SYT9: variants seen among roughly 807,000 people sequenced by gnomAD.
SYT9 encodes the protein synaptotagmin 9.
SYT9 carries 22 observed loss-of-function variants against 48.4 expected under a neutral mutation model. That is an observed-to-expected ratio of 0.45 (90% CI 0.32 to 0.65). SYT9 has a LOEUF of 0.65. SYT9 is among the 30% of genes least tolerant of loss of function. The probability of loss-of-function intolerance (pLI) is 0.03; values close to 1 mark genes in which losing one functional copy is unlikely to be tolerated. For missense variants in SYT9, 577 were observed against 622.0 expected (o/e 0.93, Z 0.77); for synonymous variants, 265 against 245.0 (o/e 1.08, Z -0.76).
At chr11:7,339,304 C>T (rs1164292000) in intron 3 of SYT9, among the ~76,000 whole-genome samples, 1 of 151,960 alleles carries the variant, frequency 6.6e-6, no homozygotes, top group Non-Finnish European at 1.5e-5. Flanking sequence ...TTTTTTTATC[C>T]AGCGTGCCAT....
intron 1 of SYT9, among the ~76,000 whole-genome samples, chr11:7,275,953 T>G (rs182937871): frequency 6.6e-5 from 10 of 152,338 alleles, no homozygotes; most frequent in Admixed American, 5.9e-4. Flanking sequence ...TATTTGTTAC[T>G]TGTTTATTGT....
At chr11:7,337,701 C>G (rs1435740557) in intron 3 of SYT9, among the ~76,000 whole-genome samples, 2 of 152,008 alleles carry the variant, frequency 1.3e-5, no homozygotes, top group East Asian at 3.9e-4. Context: ...ACCTTGCATC[C>G]CAGGGATAAA....
At chr11:7,466,232 A>G (rs1409045094) in intron 6 of SYT9, among the ~76,000 whole-genome samples, 1 of 152,090 alleles carries the variant, frequency 6.6e-6, no homozygotes, top group Non-Finnish European at 1.5e-5. Flanking sequence ...ATCAATCAGA[A>G]TGCTCTCTAT....
intron 6 of SYT9, among the ~76,000 whole-genome samples, chr11:7,437,472 A>G (rs553661107): frequency 3.9e-5 from 6 of 152,210 alleles, no homozygotes; most frequent in Non-Finnish European, 5.9e-5. Context: ...TAATTTCACA[A>G]ACCCATAATG....
intron 6 of SYT9, among the ~76,000 whole-genome samples, chr11:7,424,188 A>T (rs1485565981): frequency 6.6e-6 from 1 of 152,208 alleles, no homozygotes; most frequent in Non-Finnish European, 1.5e-5. Context: ...GGAATCTTCA[A>T]AGCCAGTGAG....
At chr11:7,321,414 C>G (rs1351211628) in intron 3 of SYT9, among the ~76,000 whole-genome samples, 1 of 152,164 alleles carries the variant, frequency 6.6e-6, no homozygotes, top group Non-Finnish European at 1.5e-5. Flanking sequence ...AGTGCTTGCT[C>G]TTCATAGTCG....
At chr11:7,332,570 A>G (rs903093372) in intron 3 of SYT9, among the ~76,000 whole-genome samples, 11 of 152,172 alleles carry the variant, frequency 7.2e-5, no homozygotes, top group Admixed American at 5.2e-4. Context: ...GAGAAAGAGA[A>G]GAGGGATCCT....
At chr11:7,387,323 A>G (rs1850681718) in intron 3 of SYT9, among the ~76,000 whole-genome samples, 2 of 152,170 alleles carry the variant, frequency 1.3e-5, no homozygotes, top group Non-Finnish European at 2.9e-5. Context: ...AAAAAGAACT[A>G]TGAGGAATAA....
At chr11:7,349,966 T>C (rs1340249435) in intron 3 of SYT9, among the ~76,000 whole-genome samples, 2 of 152,216 alleles carry the variant, frequency 1.3e-5, no homozygotes, top group African/African-American at 4.8e-5. Context: ...TTGAATCCAG[T>C]ACACTTCAGA....
At chr11:7,347,382 C>T (rs1297621127) in intron 3 of SYT9, among the ~76,000 whole-genome samples, 1 of 152,134 alleles carries the variant, frequency 6.6e-6, no homozygotes, top group Non-Finnish European at 1.5e-5. Flanking sequence ...TGGGCAACTG[C>T]CACTGTACCC....
upstream of SYT9, among the ~76,000 whole-genome samples, chr11:7,250,396 T>C (rs1305280879): frequency 1.3e-5 from 2 of 152,090 alleles, no homozygotes; most frequent in African/African-American, 4.8e-5. Flanking sequence ...AGGGTAATAT[T>C]TCCATGTGCT....
intron 1 of SYT9, among the ~76,000 whole-genome samples, chr11:7,288,503 C>T (rs917661343): frequency 1.3e-5 from 2 of 152,236 alleles, no homozygotes; most frequent in South Asian, 4.1e-4. Context: ...TCTAGGCCTA[C>T]TGGATCATTA....
chr11:7,313,314 A>G (rs543408367), intron 2 of SYT9, 81 bp from the exon 3 acceptor site: 33 of 1,409,430 alleles, frequency 2.3e-5, no homozygotes, highest in South Asian at 2.2e-4. Flanking sequence ...ATAACAGTCT[A>G]CCTACATCCC....
At chr11:7,270,749 T>C (rs954852376) in intron 1 of SYT9, among the ~76,000 whole-genome samples, 5 of 152,130 alleles carry the variant, frequency 3.3e-5, no homozygotes, top group South Asian at 2.1e-4. Flanking sequence ...AGATGATGAA[T>C]TGAATTAGTT....
chr11:7,376,242 C>T (rs1379032728), intron 3 of SYT9, among the ~76,000 whole-genome samples: 1 of 151,392 alleles, frequency 6.6e-6, no homozygotes, highest in East Asian at 1.9e-4. Flanking sequence ...AAAGTGAAAA[C>T]CTACCTGTTT....
At position 7,339,994 on chromosome 11, in the gene SYT9, A is replaced by G. The variant is rs77864975; in HGVS notation, c.1044+26053A>G. 8.9e-3 allele frequency among the ~76,000 whole-genome samples: 1,361 copies of G among 152,328 alleles called. 8 individuals are homozygous for G. The highest frequency in any genetic ancestry group is 0.013 in the Admixed American group (204 of 15,292). On this transcript the variant is annotated intron_variant, in intron 3 of 6. Transcript: ENST00000318881. Reference sequence around the variant, plus strand: ...CTCCTCATACCTTTCAGGAATGACAATGATTAATAGATTTGGCCTGTTTAC... The same window carrying G: ...CTCCTCATACCTTTCAGGAATGACAGTGATTAATAGATTTGGCCTGTTTAC...
intron 3 of SYT9, among the ~76,000 whole-genome samples, chr11:7,341,529 C>T (rs994422614): frequency 2.0e-5 from 3 of 152,144 alleles, no homozygotes; most frequent in Non-Finnish European, 2.9e-5. Flanking sequence ...TGCTTTTGCT[C>T]CTCTTTCACC....
chr11:7,366,247 A>G (rs974915476), intron 3 of SYT9, among the ~76,000 whole-genome samples: 2 of 152,112 alleles, frequency 1.3e-5, no homozygotes, highest in African/African-American at 4.8e-5. Flanking sequence ...CATACAGACT[A>G]TTATTCTAAC....
intron 3 of SYT9, among the ~76,000 whole-genome samples, chr11:7,398,766 A>C (rs1167208944): frequency 6.6e-6 from 1 of 152,212 alleles, no homozygotes; most frequent in Non-Finnish European, 1.5e-5. Flanking sequence ...TTGAGTGCCA[A>C]CAAATGGAAA....
Sources: allele counts gnomAD v4.1 joint callset (sites outside exome capture counted in the v4.1 genomes callset), GRCh38; gene constraint gnomAD v4.1.1; transcripts MANE v1.5; gene names NCBI Gene and HGNC (gene_info 2026-07-23, HGNC 2026-07-21).